Variants in FAM163A observed in about 807,000 individuals in gnomAD.
FAM163A encodes protein FAM163A.
Under a neutral mutation model 12.0 loss-of-function variants are expected in FAM163A, and 7 were observed. That is an observed-to-expected ratio of 0.58 (90% CI 0.33 to 1.10). FAM163A has a LOEUF of 1.10. Ranked by LOEUF, FAM163A falls within the 50% of genes least tolerant of loss-of-function variation. The pLI is 0.03. For missense variants in FAM163A, 202 were observed against 218.6 expected (o/e 0.92, Z 0.48); for synonymous variants, 101 against 91.0 (o/e 1.11, Z -0.62).
At chr1:179,806,494 G>A (rs1463139464) in intron 1 of FAM163A, among the ~76,000 whole-genome samples, 1 of 152,226 alleles carries the variant, frequency 6.6e-6, no homozygotes, top group East Asian at 1.9e-4. Flanking sequence ...TTTCCCCAGG[G>A]CTCTGCCCCT....
intron 1 of FAM163A, among the ~76,000 whole-genome samples, chr1:179,795,765 G>C (rs879346784): frequency 6.6e-6 from 1 of 152,112 alleles, no homozygotes; most frequent in Non-Finnish European, 1.5e-5. Flanking sequence ...CCACCAAATA[G>C]AAACATTCTG....
At chr1:179,759,814 G>A (rs377204371) in intron 1 of FAM163A, among the ~76,000 whole-genome samples, 1 of 152,116 alleles carries the variant, frequency 6.6e-6, no homozygotes, top group African/African-American at 2.4e-5. Flanking sequence ...TTACAGGCAC[G>A]TGCCACCACA....
intron 2 of FAM163A, among the ~76,000 whole-genome samples, chr1:179,808,514 C>T (rs1169357370): frequency 5.9e-5 from 9 of 152,216 alleles, no homozygotes; most frequent in Non-Finnish European, 2.9e-5. Flanking sequence ...GATTGAGGGC[C>T]TCAGTCCCCA....
intron 1 of FAM163A, among the ~76,000 whole-genome samples, chr1:179,801,127 G>A (rs1209789167): frequency 6.6e-6 from 1 of 152,126 alleles, no homozygotes; most frequent in Non-Finnish European, 1.5e-5. Flanking sequence ...GGCACATCTG[G>A]ATGTATATTG....
the FAM163A span, among the ~76,000 whole-genome samples, chr1:179,728,326 GT>G: frequency 6.6e-6 from 1 of 152,164 alleles, no homozygotes; most frequent in African/African-American, 2.4e-5. Context: ...ACAGATAAAA[GT>G]TACTTTTTCA....
intron 1 of FAM163A, among the ~76,000 whole-genome samples, chr1:179,781,648 C>T (rs1047133784): frequency 2.0e-4 from 30 of 152,050 alleles, no homozygotes; most frequent in African/African-American, 7.2e-4. Flanking sequence ...TTAAAAATGA[C>T]GTCTTGGCCA....
chr1:179,802,035 G>A (rs1693252193), intron 1 of FAM163A, among the ~76,000 whole-genome samples: 1 of 152,194 alleles, frequency 6.6e-6, no homozygotes, highest in African/African-American at 2.4e-5. Context: ...TGGGGGAAGT[G>A]AAAGCCTCCT....
chr1:179,786,566 G>C (rs368720960), intron 1 of FAM163A, among the ~76,000 whole-genome samples: 1 of 152,242 alleles, frequency 6.6e-6, no homozygotes. Context: ...TACCAGCCAC[G>C]TGTGTGTAGC....
At chr1:179,799,084 G>T (rs1692790786) in intron 1 of FAM163A, among the ~76,000 whole-genome samples, 1 of 151,528 alleles carries the variant, frequency 6.6e-6, no homozygotes, top group African/African-American at 2.4e-5. Flanking sequence ...GTTCTTACTG[G>T]ATTTCTTCCA....
the FAM163A span, among the ~76,000 whole-genome samples, chr1:179,736,293 T>C: frequency 2.0e-5 from 3 of 151,166 alleles, no homozygotes; most frequent in African/African-American, 7.3e-5. Context: ...TAAGGGTTAA[T>C]ATCTGAACTA....
At chr1:179,732,685 A>G in the FAM163A span, among the ~76,000 whole-genome samples, 1 of 151,978 alleles carries the variant, frequency 6.6e-6, no homozygotes, top group African/African-American at 2.4e-5. Flanking sequence ...GGCGGAGACC[A>G]ACCTGGGCAA....
intron 1 of FAM163A, among the ~76,000 whole-genome samples, chr1:179,797,218 G>A (rs1201494020): frequency 3.3e-5 from 5 of 149,502 alleles, no homozygotes; most frequent in Admixed American, 1.3e-4. Flanking sequence ...AGGCCGAGGC[G>A]GGCAGCTCAC....
chr1:179,813,443 C>T (rs1694975098), intron 4 of FAM163A, among the ~76,000 whole-genome samples: 1 of 152,180 alleles, frequency 6.6e-6, no homozygotes, highest in Non-Finnish European at 1.5e-5. Context: ...TCTCCTGCAC[C>T]TCTGAGATTT....
chr1:179,737,173 T>C, the FAM163A span, among the ~76,000 whole-genome samples: 1 of 152,116 alleles, frequency 6.6e-6, no homozygotes, highest in African/African-American at 2.4e-5. Context: ...ATTATCACCC[T>C]TATAAAAGAA....
chr1:179,777,115 C>G (rs1005799488), intron 1 of FAM163A, among the ~76,000 whole-genome samples: 6 of 152,138 alleles, frequency 3.9e-5, no homozygotes, highest in Non-Finnish European at 8.8e-5. Flanking sequence ...TGATCCATTC[C>G]TCCATCCATG....
intron 1 of FAM163A, among the ~76,000 whole-genome samples, chr1:179,789,809 G>A (rs1557948838): frequency 1.3e-5 from 2 of 152,100 alleles, no homozygotes; most frequent in Admixed American, 6.5e-5. Flanking sequence ...AAAAAAAATG[G>A]TACAAACTGA....
At chr1:179,744,270 C>T (rs543719367) in intron 1 of FAM163A, among the ~76,000 whole-genome samples, 16 of 152,188 alleles carry the variant, frequency 1.1e-4, no homozygotes, top group South Asian at 4.2e-4. Context: ...TTCCAGAGGG[C>T]CCTGCGCGCT....
chr1:179,770,573 G>A (rs1356458579), intron 1 of FAM163A, among the ~76,000 whole-genome samples: 1 of 152,084 alleles, frequency 6.6e-6, no homozygotes, highest in South Asian at 2.1e-4. Context: ...CTCTATCCCT[G>A]TGCCCCAGCC....
At chr1:179,802,435 G>A (rs961765855) in intron 1 of FAM163A, among the ~76,000 whole-genome samples, 6 of 152,128 alleles carry the variant, frequency 3.9e-5, no homozygotes, top group Non-Finnish European at 5.9e-5. Flanking sequence ...CATATCCTCC[G>A]TGATAGCATC....
Sources: gnomAD v4.1 joint callset for allele counts (sites outside exome capture counted in the v4.1 genomes callset) on GRCh38, gnomAD v4.1.1 for gene constraint, MANE v1.5 for transcripts, NCBI Gene and HGNC (gene_info 2026-07-23, HGNC 2026-07-21) for gene names.